The following SNRK variants were observed in gnomAD, a reference collection of about 807,000 sequenced individuals.
SNRK encodes SNF-related serine/threonine-protein kinase.
A neutral mutation model predicts 48.2 loss-of-function variants in SNRK; 3 were observed. The ratio of observed to expected loss-of-function variants is 0.06; its 90% CI spans 0.03 to 0.16. The LOEUF (loss-of-function observed/expected upper bound fraction) is 0.16, where lower values mean the gene tolerates loss of function less well. Ranked by LOEUF, SNRK falls within the 10% of genes least tolerant of loss-of-function variation. SNRK has a pLI of 1.00. For missense variants in SNRK, 627 were observed against 976.0 expected (o/e 0.64, Z 4.76); for synonymous variants, 376 against 366.1 (o/e 1.03, Z -0.31).
intron 1 of SNRK, among the ~76,000 whole-genome samples, chr3:43,297,548 T>G (rs1209794488): frequency 6.6e-6 from 1 of 151,798 alleles, no homozygotes; most frequent in Non-Finnish European, 1.5e-5. Flanking sequence ...AAAGCGATGT[T>G]ATCATAAAGG....
At chr3:43,312,414 A>T (rs979813574) in intron 3 of SNRK, among the ~76,000 whole-genome samples, 2 of 152,188 alleles carry the variant, frequency 1.3e-5, no homozygotes, top group South Asian at 4.1e-4. Context: ...TCTTTTCTTT[A>T]TAAATCTGTA....
intron 4 of SNRK, among the ~76,000 whole-genome samples, chr3:43,334,436 G>C (rs1334984154): frequency 6.6e-6 from 1 of 152,000 alleles, no homozygotes; most frequent in East Asian, 1.9e-4. Flanking sequence ...ACTCCAGTCT[G>C]GGTAACAGAG....
At chr3:43,335,312 T>C (rs911855209) in intron 4 of SNRK, among the ~76,000 whole-genome samples, 1 of 152,192 alleles carries the variant, frequency 6.6e-6, no homozygotes, top group African/African-American at 2.4e-5. Context: ...ATTTTCTAGT[T>C]TGTGTTGATT....
rs1029129765 is a variant in SNRK at position 43,350,732 on chromosome 3, T to C, written c.*2175T>C. The C allele has an allele frequency of 6.6e-6, 1 of 152,648 alleles. No homozygotes were observed. Among genetic ancestry groups the C allele is most frequent in the East Asian group, 1.9e-4 (1 of 5,204 alleles). 9.5% of individuals were successfully genotyped at this position (152,648 alleles called of 1,614,324 possible). ...GAAAAACCATTACATTAAGATAATA[T>C]TGGACCAAACTACTTACTTGCTCTA... On this transcript the variant is annotated 3_prime_UTR_variant, in exon 7 of 7. Transcript: ENST00000296088.
chr3:43,330,039 A>G (rs2091134410), intron 3 of SNRK, among the ~76,000 whole-genome samples: 1 of 152,260 alleles, frequency 6.6e-6, no homozygotes, highest in Admixed American at 6.5e-5. Context: ...AAATAATGTC[A>G]TTAAACTCAT....
At chr3:43,305,646 G>C (rs1205348437) in intron 3 of SNRK, among the ~76,000 whole-genome samples, 1 of 151,714 alleles carries the variant, frequency 6.6e-6, no homozygotes, top group African/African-American at 2.4e-5. Context: ...ACCACGCCTA[G>C]CTAATTTTTT....
At chr3:43,295,136 T>A (rs2090842696) in intron 1 of SNRK, among the ~76,000 whole-genome samples, 1 of 152,250 alleles carries the variant, frequency 6.6e-6, no homozygotes, top group Admixed American at 6.5e-5. Flanking sequence ...TCTGTGTTGC[T>A]GGTCCAGGTC....
intron 5 of SNRK, 138 bp from the exon 6 acceptor site, chr3:43,343,206 C>G: frequency 1.7e-6 from 2 of 1,179,624 alleles, no homozygotes. Flanking sequence ...TGGTTTTTTT[C>G]TGGTTTGCAT....
At chr3:43,338,622 C>A (rs781249106) in intron 4 of SNRK, among the ~76,000 whole-genome samples, 1 of 152,320 alleles carries the variant, frequency 6.6e-6, no homozygotes, top group Non-Finnish European at 1.5e-5. Flanking sequence ...GTTTCTTCCT[C>A]ATTTTCTCAT....
At chr3:43,308,308 C>T (rs927205550) in intron 3 of SNRK, among the ~76,000 whole-genome samples, 12 of 152,232 alleles carry the variant, frequency 7.9e-5, no homozygotes, top group African/African-American at 2.9e-4. Flanking sequence ...CTCCACTGAA[C>T]AACAGATTTT....
In SNRK at chr3:43,347,575, G is replaced by A. The variant is rs762069247; in HGVS notation, c.1316G>A (p.Arg439Gln). 3 of 1,613,890 alleles carry A rather than the reference G, an allele frequency of 1.9e-6. No individual in the cohort carries two copies. Among genetic ancestry groups the A allele is most frequent in the East Asian group, 2.2e-5 (1 of 44,886 alleles). The change falls in exon 7 of 7, where the codon CGG (arginine) becomes CAG (glutamine). Residue 439 changes from arginine to glutamine, a missense_variant. Coordinates refer to ENST00000296088, the MANE Select transcript of SNRK (RefSeq NM_017719.5). The surrounding 1 kb of genome is among the most constrained non-coding windows in gnomAD (Gnocchi z 5.4). Reference sequence around the variant, plus strand: ...AGCTTAAAACCCACAGCCAGTGGGCGGAAGTGTCTGTTCAGGGTGGAAGAA... The same window carrying A: ...AGCTTAAAACCCACAGCCAGTGGGCAGAAGTGTCTGTTCAGGGTGGAAGAA... ...PASLKPTASG[R>Q]KCLFRVEEDE...
At chr3:43,322,849 G>A (rs991438890) in intron 3 of SNRK, among the ~76,000 whole-genome samples, 9 of 150,374 alleles carry the variant, frequency 6.0e-5, no homozygotes, top group Non-Finnish European at 1.2e-4. Context: ...CTACTCAGGA[G>A]GCTGAGGCAG....
Position 43,350,964 on chromosome 3 carries a change from G to C in SNRK, c.*2407G>C, listed in dbSNP as rs140539066. On this transcript the variant is annotated 3_prime_UTR_variant, in exon 7 of 7. Coordinates refer to ENST00000296088, the MANE Select transcript of SNRK (RefSeq NM_017719.5). ...AGAATAGCTGTGAGACCGAATTAAA[G>C]ATAATCCCTACCAAGTGAAAATTGA... The C allele has an allele frequency of 6.5e-6, 1 of 152,696 alleles. No individual in the cohort carries two copies. Among genetic ancestry groups the C allele is most frequent in the African/African-American group, 2.4e-5 (1 of 41,540 alleles). 9.5% of individuals were successfully genotyped at this position (152,696 alleles called of 1,614,324 possible).
intron 3 of SNRK, among the ~76,000 whole-genome samples, chr3:43,317,734 T>C (rs550891940): frequency 6.6e-6 from 1 of 152,268 alleles, no homozygotes; most frequent in Non-Finnish European, 1.5e-5. Context: ...TAGCCACTCT[T>C]GCCCCTGATT....
At chr3:43,307,274 T>G (rs1452961867) in intron 3 of SNRK, among the ~76,000 whole-genome samples, 2 of 152,250 alleles carry the variant, frequency 1.3e-5, no homozygotes, top group African/African-American at 4.8e-5. Context: ...AGTATACTCC[T>G]TGATACATAT....
In SNRK at chr3:43,349,223, A is replaced by G. The variant is rs2091303596; in HGVS notation, c.*666A>G. The G allele has an allele frequency of 6.5e-6, 1 of 152,692 alleles. No individual in the cohort carries two copies. The highest frequency in any genetic ancestry group is 2.1e-4 in the South Asian group (1 of 4,832). The allele number at this position is 152,692 out of a possible 1,614,324, so 9.5% of individuals were successfully genotyped here. ...CTTGTTTTTGTAATAGGTGAGATAA[A>G]GTACTTAGATTTATAAGGCAGCTTC... On this transcript the variant is annotated 3_prime_UTR_variant, in exon 7 of 7. Transcript: ENST00000296088.
At chr3:43,311,640 G>A (rs1316368673) in intron 3 of SNRK, among the ~76,000 whole-genome samples, 1 of 152,144 alleles carries the variant, frequency 6.6e-6, no homozygotes, top group African/African-American at 2.4e-5. Flanking sequence ...AGAGCTCATT[G>A]CTGCTTGTCA....
intron 1 of SNRK, among the ~76,000 whole-genome samples, chr3:43,292,460 AT>A (rs1398939886): frequency 1.3e-5 from 2 of 152,250 alleles, no homozygotes; most frequent in Non-Finnish European, 2.9e-5. Flanking sequence ...AAACACAGAT[AT>A]GTGGTGAATT....
At chr3:43,309,206 G>A (rs2125624110) in intron 3 of SNRK, among the ~76,000 whole-genome samples, 1 of 152,220 alleles carries the variant, frequency 6.6e-6, no homozygotes, top group East Asian at 1.9e-4. Flanking sequence ...ATGAATGCAG[G>A]TGAAGAAAGT....
Sources: gnomAD v4.1 joint callset for allele counts (sites outside exome capture counted in the v4.1 genomes callset) on GRCh38, gnomAD v4.1.1 for gene constraint, Gnocchi (gnomAD v3.1) non-coding constraint, MANE v1.5 for transcripts, NCBI Gene and HGNC (gene_info 2026-07-23, HGNC 2026-07-21) for gene names.